Variants in MAGI3 observed in about 807,000 individuals in gnomAD.
MAGI3 encodes the protein membrane associated guanylate kinase, WW and PDZ domain containing 3, also known as membrane-associated guanylate kinase, WW and PDZ domain-containing protein 3.
Under a neutral mutation model 121.8 loss-of-function variants are expected in MAGI3, and 43 were observed. The ratio of observed to expected loss-of-function variants is 0.35; its 90% CI spans 0.28 to 0.46. The LOEUF (loss-of-function observed/expected upper bound fraction) is 0.46, where lower values mean the gene tolerates loss of function less well. Among genes scored for constraint, MAGI3 ranks in the 20% least tolerant of loss-of-function variants. The pLI, the probability that MAGI3 is intolerant of heterozygous loss-of-function variation, is 1.00. For synonymous variants in MAGI3, 553 were observed against 639.3 expected, an observed-to-expected ratio of 0.86 and a Z score of 2.04; for missense variants, 1,547 against 1,797.3, an observed-to-expected ratio of 0.86 and a Z score of 2.52.
chr1:113,441,703 C>T (rs1011408885), intron 1 of MAGI3, among the ~76,000 whole-genome samples: 18 of 152,148 alleles, frequency 1.2e-4, no homozygotes, highest in Admixed American at 1.1e-3. Context: ...AATACACACT[C>T]ATCCCCAGTA....
chr1:113,429,577 G>A (rs950502514), intron 1 of MAGI3, among the ~76,000 whole-genome samples: 2 of 152,186 alleles, frequency 1.3e-5, no homozygotes, highest in Non-Finnish European at 2.9e-5. Context: ...AGAGGCTGAA[G>A]TGAAGTTACA....
At chr1:113,492,569 A>G (rs887942870) in intron 1 of MAGI3, among the ~76,000 whole-genome samples, 1 of 152,178 alleles carries the variant, frequency 6.6e-6, no homozygotes, top group South Asian at 2.1e-4. Context: ...GGCAAGAGAA[A>G]GACAGAGCAT....
At chr1:113,596,897 T>C (rs2101745196) in intron 6 of MAGI3, among the ~76,000 whole-genome samples, 1 of 152,230 alleles carries the variant, frequency 6.6e-6, no homozygotes, top group East Asian at 1.9e-4. Flanking sequence ...ATAGCCACTT[T>C]GGAGAACAGT....
intron 1 of MAGI3, among the ~76,000 whole-genome samples, chr1:113,469,515 TTTTTTTTTTCTG>T (rs1655443239): frequency 6.7e-6 from 1 of 150,168 alleles, no homozygotes; most frequent in Admixed American, 6.7e-5. Flanking sequence ...AGCAAAGTCT[TTTTTTTTTTCTG>T]TTCGGCATCA....
At chr1:113,419,211 A>G (rs1160110186) in intron 1 of MAGI3, among the ~76,000 whole-genome samples, 1 of 152,288 alleles carries the variant, frequency 6.6e-6, no homozygotes, top group East Asian at 1.9e-4. Context: ...TTCAATATCC[A>G]CATTAGCTTT....
intron 1 of MAGI3, among the ~76,000 whole-genome samples, chr1:113,508,498 G>A (rs1288752049): frequency 6.6e-6 from 1 of 152,182 alleles, no homozygotes; most frequent in African/African-American, 2.4e-5. Context: ...AACTCACCTT[G>A]TGTAGTTGAA....
At chr1:113,677,475 C>T (rs533690126) in intron 19 of MAGI3, among the ~76,000 whole-genome samples, 2 of 152,288 alleles carry the variant, frequency 1.3e-5, no homozygotes, top group Admixed American at 6.5e-5. Flanking sequence ...CCTCGAAGAT[C>T]GGTTCATGTG....
chr1:113,672,869 C>T (rs1169556210), intron 18 of MAGI3, 128 bp downstream of exon 18: 1 of 1,242,098 alleles, frequency 8.1e-7, no homozygotes, highest in Non-Finnish European at 1.1e-6. Flanking sequence ...GAAGACCTGC[C>T]ATGTGTTTGG....
At chr1:113,437,863 CCTCTTCT>C (rs1653681589) in intron 1 of MAGI3, among the ~76,000 whole-genome samples, 4 of 50,890 alleles carry the variant, frequency 7.9e-5, no homozygotes, top group Non-Finnish European at 1.1e-4. Context: ...TCTTCTTCTT[CCTCTTCT>C]TCTTCTTCTC....
intron 13 of MAGI3, among the ~76,000 whole-genome samples, chr1:113,649,727 A>G (rs1229951319): frequency 1.3e-5 from 2 of 152,212 alleles, no homozygotes; most frequent in African/African-American, 4.8e-5. Flanking sequence ...AATGGTTGGC[A>G]TGAGCCTGTG....
chr1:113,583,934 G>A (rs1176537600), intron 3 of MAGI3, among the ~76,000 whole-genome samples: 1 of 152,164 alleles, frequency 6.6e-6, no homozygotes, highest in East Asian at 1.9e-4. Context: ...GACAATTACT[G>A]CTGAAAGTCA....
chr1:113,505,040 GGCAGGGCAGTATGTA>G (rs796126553), intron 1 of MAGI3, among the ~76,000 whole-genome samples: 49 of 152,198 alleles, frequency 3.2e-4, no homozygotes, highest in African/African-American at 1.1e-3. Context: ...ATGTTCATAT[GGCAGGGCAGTATGTA>G]GCAAAAGAGA....
chr1:113,675,576 G>A (rs1647819137), intron 19 of MAGI3, among the ~76,000 whole-genome samples: 2 of 152,306 alleles, frequency 1.3e-5, no homozygotes, highest in South Asian at 4.1e-4. Flanking sequence ...ACATTACTGA[G>A]AAGTGATGAT....
At chr1:113,505,174 G>A (rs1657253900) in intron 1 of MAGI3, among the ~76,000 whole-genome samples, 2 of 152,076 alleles carry the variant, frequency 1.3e-5, no homozygotes, top group Admixed American at 1.3e-4. Context: ...TGTGAGAATG[G>A]AACTCAAAGA....
intron 6 of MAGI3, among the ~76,000 whole-genome samples, chr1:113,601,000 G>A (rs1224847982): frequency 1.3e-5 from 2 of 152,096 alleles, no homozygotes; most frequent in Non-Finnish European, 2.9e-5. Flanking sequence ...ATGGTGCTGG[G>A]AAAACTGGCT....
At chr1:113,525,171 C>T (rs1658394044) in intron 1 of MAGI3, among the ~76,000 whole-genome samples, 1 of 152,186 alleles carries the variant, frequency 6.6e-6, no homozygotes, top group African/African-American at 2.4e-5. Context: ...ATGTCTTTAT[C>T]AGCAACATGA....
At chr1:113,553,723 G>A (rs1178971380) in intron 2 of MAGI3, among the ~76,000 whole-genome samples, 2 of 152,196 alleles carry the variant, frequency 1.3e-5, no homozygotes, top group African/African-American at 4.8e-5. Flanking sequence ...TTTAAAGAAA[G>A]ATAGTGTCTG....
rs1653645664 is a variant in MAGI3 at position 113,659,171 on chromosome 1, T to C, written c.2721T>C (p.Asn907=). 6.2e-7 allele frequency: 1 copy of C among 1,614,122 alleles called. No individual in the cohort carries two copies. ...LKVGDHISAV[N]GQSIVELSHD... Reference sequence around the variant, plus strand: ...TTGGAGATCATATCTCTGCAGTGAATGGGCAGTCCATTGTTGAACTGTCTC... The same window carrying C: ...TTGGAGATCATATCTCTGCAGTGAACGGGCAGTCCATTGTTGAACTGTCTC... Residue 907 remains asparagine (N), a synonymous_variant, in exon 16 of 21, where the codon AAT becomes AAC. Coordinates refer to ENST00000307546, the MANE Select transcript of MAGI3 (RefSeq NM_001142782.2).
chr1:113,450,687 A>C (rs1392949111), intron 1 of MAGI3: 6 of 1,122,926 alleles, frequency 5.3e-6, no homozygotes, highest in Non-Finnish European at 6.8e-6. Flanking sequence ...GGTGGTGGTT[A>C]TGGATCTGGT....
Sources: gnomAD v4.1 joint callset for allele counts (sites outside exome capture counted in the v4.1 genomes callset) on GRCh38, gnomAD v4.1.1 for gene constraint, MANE v1.5 for transcripts, NCBI Gene and HGNC (gene_info 2026-07-23, HGNC 2026-07-21) for gene names.